The following NOD2 variants were observed in gnomAD, a reference collection of about 807,000 sequenced individuals.
The protein encoded by NOD2 is nucleotide binding oligomerization domain containing 2, also known as nucleotide-binding oligomerization domain-containing protein 2.
In NOD2, 86 loss-of-function variants were observed where a neutral mutation model predicts 90.9. That is an observed-to-expected ratio of 0.95 (90% CI 0.79 to 1.13). NOD2 has a LOEUF of 1.13. NOD2 is among the 50% of genes most tolerant of loss of function. The pLI is 0.00. For synonymous variants in NOD2, 581 were observed against 554.6 expected (o/e 1.05, Z -0.67); for missense variants, 1,238 against 1,283.8 (o/e 0.96, Z 0.55).
intron 7 of NOD2, among the ~76,000 whole-genome samples, chr16:50,721,714 A>T (rs992767127): frequency 6.6e-6 from 1 of 152,088 alleles, no homozygotes; most frequent in African/African-American, 2.4e-5. Context: ...GCTGGTCTCA[A>T]ACTCCTGGGC....
Position 50,696,236 on chromosome 16 carries a change from C to T in NOD2, c.-9+2574C>T, listed in dbSNP as rs5743260. On this transcript the variant is annotated intron_variant, in intron 1 of 11. Coordinates refer to ENST00000647318, the MANE Select transcript of NOD2 (RefSeq NM_001370466.1). ...CATTTGCTCTTGGCCCCAGAGAAAC[C>T]GGGCTGGCTGTGGTCTCAGGAAGGA... is the stretch of plus-strand genomic sequence containing the variant. 3.9e-3 allele frequency: 596 copies of T among 152,430 alleles called. 3 individuals carry two copies. The highest frequency in any genetic ancestry group is 0.01 in the Middle Eastern group (3 of 294). The allele number at this position is 152,430 out of a possible 1,614,324, so 9.4% of individuals were successfully genotyped here.
chr16:50,724,337 G>A (rs377094779), intron 9 of NOD2, among the ~76,000 whole-genome samples: 2 of 152,318 alleles, frequency 1.3e-5, no homozygotes, highest in East Asian at 1.9e-4. Context: ...TAGTAGAGGA[G>A]AACCTTGTTA....
At chr16:50,727,032 C>T (rs1374760831) in intron 10 of NOD2, among the ~76,000 whole-genome samples, 1 of 150,530 alleles carries the variant, frequency 6.6e-6, no homozygotes, top group Non-Finnish European at 1.5e-5. Flanking sequence ...CCCATCTACT[C>T]AGGAAGCTGA....
chr16:50,722,713 T>A lies in NOD2; in HGVS notation c.2717+8T>A. The A allele has an allele frequency of 6.2e-7, 1 of 1,613,750 alleles. No individual in the cohort carries two copies. The highest frequency in any genetic ancestry group is 8.5e-7 in the Non-Finnish European group (1 of 1,179,626). ...GAGCTTGAGGTGGCTCAGGTAAGCTTCAGAGTCTATCCTGCAGTTTTCTTG... is the reference window on the plus strand; with the variant it reads ...GAGCTTGAGGTGGCTCAGGTAAGCTACAGAGTCTATCCTGCAGTTTTCTTG... On this transcript the variant is annotated splice_region_variant and intron_variant, in intron 8 of 11. Coordinates refer to ENST00000647318, the MANE Select transcript of NOD2 (RefSeq NM_001370466.1).
At chr16:50,702,701 C>T (rs1963996446) in intron 2 of NOD2, among the ~76,000 whole-genome samples, 1 of 152,216 alleles carries the variant, frequency 6.6e-6, no homozygotes, top group Non-Finnish European at 1.5e-5. Context: ...AGACACTGTA[C>T]CCAGTCCATT....
chr16:50,697,149 C>G, intron 1 of NOD2: 1 of 1,085,486 alleles, frequency 9.2e-7, no homozygotes, highest in South Asian at 1.3e-5. Context: ...GTAGACAGAT[C>G]CAGGCTCACC....
Position 50,699,730 on chromosome 16 carries a change from G to A in NOD2, c.235G>A (p.Ala79Thr). The stretch of plus-strand genomic sequence containing the variant: ...TTGGGCCTGTCAGAAGCTCATCGCG[G>A]CTGCCCAAGAAGCCCAGGCCGACAG... Reference protein sequence around the residue: ...GTWACQKLIAAAQEAQADSQS... With the variant: ...GTWACQKLIATAQEAQADSQS... The change falls in exon 2 of 12, where the codon GCT (alanine) becomes ACT (threonine). Residue 79 changes from alanine (A) to threonine (T), a missense_variant. This residue lies in a region of NOD2 where 567 missense variants were observed against 577.3 expected (regional missense o/e 0.98). Coordinates refer to ENST00000647318, the MANE Select transcript of NOD2 (RefSeq NM_001370466.1). 6.2e-7 allele frequency: 1 copy of A among 1,614,092 alleles called. No individual in the cohort carries two copies. The highest frequency in any genetic ancestry group is 8.5e-7 in the Non-Finnish European group (1 of 1,180,026).
chr16:50,722,672 C>G lies in NOD2; in HGVS notation c.2684C>G (p.Ala895Gly). ...GAGGGGGCCCAGGCCCTGGCTGAAG[C>G]CTTGGGTGATCACCAGAGCTTGAGG... ...GDEGAQALAE[A>G]LGDHQSLRWL... is the part of the protein sequence containing the mutation. Residue 895 changes from alanine (A) to glycine (G), a missense_variant, in exon 8 of 12, where the codon GCC becomes GGC. By Grantham distance (60) the Ala-to-Gly change is moderately conservative (BLOSUM62 0). Transcript: ENST00000647318. 6.2e-7 allele frequency: 1 copy of G among 1,614,206 alleles called. No individual in the cohort carries two copies. The highest frequency in any genetic ancestry group is 8.5e-7 in the Non-Finnish European group (1 of 1,180,026).
intron 6 of NOD2, among the ~76,000 whole-genome samples, chr16:50,717,186 A>C (rs1471082270): frequency 6.6e-6 from 1 of 152,092 alleles, no homozygotes; most frequent in Non-Finnish European, 1.5e-5. Context: ...CTGTCTTTTG[A>C]CCTTTAGCCC....
At position 50,732,497 on chromosome 16, in the gene NOD2, C is replaced by T. The variant is rs897398821; in HGVS notation, c.*678C>T. ...TTTAAGACATTTTTGGAAGGGGACA[C>T]GTGACAGCCGTTTGTTCCCCAAGAC... On this transcript the variant is annotated 3_prime_UTR_variant, in exon 12 of 12. Coordinates refer to ENST00000647318, the MANE Select transcript of NOD2 (RefSeq NM_001370466.1). 3 of 154,392 alleles carry T rather than the reference C, an allele frequency of 1.9e-5. No individual in the cohort carries two copies. Among genetic ancestry groups the T allele is most frequent in the South Asian group, 2.0e-4 (1 of 4,944 alleles). 9.6% of individuals were successfully genotyped at this position (154,392 alleles called of 1,614,324 possible).
At chr16:50,722,976 T>A (rs569091548) in intron 8 of NOD2, among the ~76,000 whole-genome samples, 3 of 151,964 alleles carry the variant, frequency 2.0e-5, no homozygotes, top group East Asian at 3.9e-4. Flanking sequence ...AAGGACCAAT[T>A]CCAATCCATT....
chr16:50,714,134 G>C (rs766146385), intron 4 of NOD2, among the ~76,000 whole-genome samples: 2 of 152,208 alleles, frequency 1.3e-5, no homozygotes, highest in Non-Finnish European at 2.9e-5. Context: ...TCACTGGCCT[G>C]TGTGATCCTC....
chr16:50,705,357 C>A (rs925241001), intron 2 of NOD2, among the ~76,000 whole-genome samples: 3 of 152,194 alleles, frequency 2.0e-5, no homozygotes, highest in African/African-American at 7.2e-5. Context: ...CCCCTTCCCC[C>A]CTTTTTGGCT....
Position 50,708,044 on chromosome 16 carries a change from C to T in NOD2, c.565+84C>T, listed in dbSNP as rs142273770. On this transcript the variant is annotated intron_variant, in intron 3 of 11. Transcript: ENST00000647318. ...TAAGAGCAGAACACACCTCGGTTAACATCCCATATGCTGGCAGTATAGCCT... is the reference window on the plus strand; with the variant it reads ...TAAGAGCAGAACACACCTCGGTTAATATCCCATATGCTGGCAGTATAGCCT... The T allele has an allele frequency of 4.0e-3, 3,767 of 933,648 alleles. 55 individuals carry two copies. The highest frequency in any genetic ancestry group is 2.5e-3 in the Non-Finnish European group (1,411 of 564,338). 57.8% of individuals were successfully genotyped at this position (933,648 alleles called of 1,614,324 possible). A position where few individuals can be genotyped will look rare whatever the true frequency, so the allele number is the denominator to read the frequency against.
chr16:50,725,512 A>G lies in NOD2; in HGVS notation c.2825A>G (p.Asp942Gly). 1 of 1,614,074 alleles carries G rather than the reference A, an allele frequency of 6.2e-7. No homozygotes were observed. Among genetic ancestry groups the G allele is most frequent in the Middle Eastern group, 1.6e-4 (1 of 6,062 alleles). The change falls in exon 10 of 12, where the codon GAT (aspartate) becomes GGT (glycine). Residue 942 changes from aspartate (D) to glycine (G), a missense_variant. Coordinates refer to ENST00000647318, the MANE Select transcript of NOD2 (RefSeq NM_001370466.1). ...ELCLEENHLQ[D>G]EGVCSLAEGL... The stretch of plus-strand genomic sequence containing the variant: ...AGCCTGGAGGAGAACCATCTCCAGG[A>G]TGAAGGTGTATGTTCTCTCGCAGAA...
chr16:50,697,078 C>T (rs900966054), intron 1 of NOD2: 13 of 681,148 alleles, frequency 1.9e-5, no homozygotes, highest in African/African-American at 7.1e-5. Flanking sequence ...TTCTGGAAGG[C>T]TGGTTGGCCA....
rs199475925 is a variant in NOD2, at chr16:50,732,011, T to C, written c.*192T>C. On this transcript the variant is annotated 3_prime_UTR_variant, in exon 12 of 12. Coordinates refer to ENST00000647318, the MANE Select transcript of NOD2 (RefSeq NM_001370466.1). Reference sequence around the variant, plus strand: ...GAGGGAGCATCAGTGCCCTCCAGGATAGACTTTTCCCAAGCCTACTTTTGC... The same window carrying C: ...GAGGGAGCATCAGTGCCCTCCAGGACAGACTTTTCCCAAGCCTACTTTTGC... The C allele has an allele frequency of 6.4e-6, 4 of 623,010 alleles. No individual in the cohort carries two copies. In the African/African-American group the frequency reaches 7.3e-5, roughly 11 times the overall value. 38.6% of individuals were successfully genotyped at this position (623,010 alleles called of 1,614,324 possible). A position where few individuals can be genotyped will look rare whatever the true frequency, so the allele number is the denominator to read the frequency against.
At chr16:50,712,893 CTT>C (rs1419208185) in intron 4 of NOD2, 1 of 174,530 alleles carries the variant, frequency 5.7e-6, no homozygotes, top group African/African-American at 2.4e-5. Flanking sequence ...CCATCAGAGA[CTT>C]TAACACCCCA....
rs767694243 is a variant in NOD2 at position 50,711,039 on chromosome 16, A to T, written c.1047A>T (p.Leu349Phe). The change falls in exon 4 of 12, where the codon TTA becomes TTT. Residue 349 changes from leucine to phenylalanine, a missense_variant. Coordinates refer to ENST00000647318, the MANE Select transcript of NOD2 (RefSeq NM_001370466.1). Reference protein sequence around the residue: ...LLLDHPDRVLLTFDGFDEFKF... With the variant: ...LLLDHPDRVLFTFDGFDEFKF... ...TTGACCACCCTGACCGTGTCCTGTT[A>T]ACCTTTGATGGCTTTGACGAGTTCA... is the stretch of plus-strand genomic sequence containing the variant. 6.2e-7 allele frequency: 1 copy of T among 1,613,974 alleles called. No homozygotes were observed. The highest frequency in any genetic ancestry group is 8.5e-7 in the Non-Finnish European group (1 of 1,180,020).
Sources: gnomAD v4.1 joint callset for allele counts (sites outside exome capture counted in the v4.1 genomes callset) on GRCh38, gnomAD v4.1.1 for gene constraint, gnomAD v4.1.1 regional missense constraint, MANE v1.5 for transcripts, NCBI Gene and HGNC (gene_info 2026-07-23, HGNC 2026-07-21) for gene names.